The following OPCML variants were observed in gnomAD, a reference collection of about 807,000 sequenced individuals.
OPCML encodes opioid-binding protein/cell adhesion molecule.
In OPCML, 13 loss-of-function variants were observed where a neutral mutation model predicts 37.8. The observed-to-expected ratio is 0.34, with a 90% CI of 0.22 to 0.55. The LOEUF (loss-of-function observed/expected upper bound fraction) is 0.55, where lower values mean the gene tolerates loss of function less well. Ranked by LOEUF, OPCML falls within the 20% of genes least tolerant of loss-of-function variation. The pLI is 0.91. For synonymous variants in OPCML, 176 were observed against 168.8 expected (o/e 1.04, Z -0.33); for missense variants, 341 against 435.6 (o/e 0.78, Z 1.93).
chr11:132,663,991 C>A (rs1014063803), intron 2 of OPCML, among the ~76,000 whole-genome samples: 10 of 152,094 alleles, frequency 6.6e-5, no homozygotes, highest in African/African-American at 2.4e-4. Flanking sequence ...CGCCACCACG[C>A]CCGGCTAATT....
Position 132,838,474 on chromosome 11 carries a change from A to T in OPCML, c.146+104452T>A, listed in dbSNP as rs116455296. Among the ~76,000 whole-genome samples the T allele has an allele frequency of 5.4e-3, 823 of 152,312 alleles. 11 individuals are homozygous for T. The highest frequency in any genetic ancestry group is 0.019 in the African/African-American group (784 of 41,572). On this transcript the variant is annotated intron_variant, in intron 2 of 7. Transcript: ENST00000524381. The stretch of plus-strand genomic sequence containing the variant: ...AATGACACAGATCCTGCCTACAAGT[A>T]ATTCACAATACTACAGAAGAACCGC...
At chr11:132,962,394 T>G (rs1946113377) in intron 1 of OPCML, among the ~76,000 whole-genome samples, 1 of 152,188 alleles carries the variant, frequency 6.6e-6, no homozygotes, top group African/African-American at 2.4e-5. Flanking sequence ...CTCACATTCG[T>G]TTGCAATTAG....
Position 132,509,693 on chromosome 11 carries a change from A to G in OPCML, c.505+19368T>C, listed in dbSNP as rs1454730278. Among the ~76,000 whole-genome samples the G allele has an allele frequency of 4.6e-5, 7 of 152,362 alleles. No individual in the cohort carries two copies. The East Asian group carries it at 1.2e-3, about 25-fold the overall frequency. ...TGTGATGTTGAGCCTGCAGGTGCAC[A>G]GAAGTCAAGAATTAAGGTTTGAGGA... On this transcript the variant is annotated intron_variant, in intron 4 of 7. Coordinates refer to ENST00000524381, the MANE Select transcript of OPCML (RefSeq NM_001012393.5).
intron 1 of OPCML, among the ~76,000 whole-genome samples, chr11:133,230,615 G>A (rs931448683): frequency 1.3e-5 from 2 of 152,168 alleles, no homozygotes; most frequent in Non-Finnish European, 2.9e-5. Flanking sequence ...TTCCTAGAAT[G>A]TTTGGTGGCC....
chr11:132,927,835 C>T (rs910825021), intron 2 of OPCML, among the ~76,000 whole-genome samples: 1 of 151,968 alleles, frequency 6.6e-6, no homozygotes, highest in African/African-American at 2.4e-5. Context: ...GGGATCCAAG[C>T]TGTCCAGGAG....
At chr11:133,231,133 T>C (rs1023765306) in intron 1 of OPCML, among the ~76,000 whole-genome samples, 2 of 152,212 alleles carry the variant, frequency 1.3e-5, no homozygotes, top group African/African-American at 4.8e-5. Flanking sequence ...TTGTCTGTTC[T>C]AACATACGAT....
At chr11:132,704,475 A>C (rs1418665809) in intron 2 of OPCML, among the ~76,000 whole-genome samples, 1 of 152,210 alleles carries the variant, frequency 6.6e-6, no homozygotes, top group Admixed American at 6.5e-5. Context: ...GAGAACTAGA[A>C]GCCAGTGGGC....
intron 4 of OPCML, among the ~76,000 whole-genome samples, chr11:132,504,119 G>C (rs2096251321): frequency 6.6e-6 from 1 of 152,092 alleles, no homozygotes; most frequent in Non-Finnish European, 1.5e-5. Flanking sequence ...TAAGATTGAA[G>C]AATAATCTAG....
chr11:133,161,465 C>T (rs1019656643), intron 1 of OPCML, among the ~76,000 whole-genome samples: 8 of 151,978 alleles, frequency 5.3e-5, no homozygotes, highest in Non-Finnish European at 1.2e-4. Context: ...TGGACAGGAG[C>T]GTGGGATTTA....
intron 4 of OPCML, among the ~76,000 whole-genome samples, chr11:132,458,152 A>C (rs2096088782): frequency 6.6e-6 from 1 of 152,212 alleles, no homozygotes; most frequent in Admixed American, 6.5e-5. Flanking sequence ...ATGAACATGT[A>C]GGGGTGGTGG....
chr11:132,826,953 G>A (rs1171675748), intron 2 of OPCML, among the ~76,000 whole-genome samples: 1 of 152,146 alleles, frequency 6.6e-6, no homozygotes, highest in African/African-American at 2.4e-5. Context: ...AGAAGGGGGA[G>A]ACAGATATAT....
At chr11:133,359,413 G>A (rs1944364925) in intron 1 of OPCML, among the ~76,000 whole-genome samples, 1 of 152,160 alleles carries the variant, frequency 6.6e-6, no homozygotes, top group Non-Finnish European at 1.5e-5. Flanking sequence ...AAGCCCTGCA[G>A]CATATCACTG....
intron 2 of OPCML, among the ~76,000 whole-genome samples, chr11:132,914,899 A>T (rs906786346): frequency 7.9e-5 from 12 of 152,210 alleles, no homozygotes; most frequent in African/African-American, 2.9e-4. Flanking sequence ...AGAGCTCCTG[A>T]TGCTGCTCCC....
At chr11:133,218,164 C>T (rs1233059911) in intron 1 of OPCML, among the ~76,000 whole-genome samples, 1 of 151,704 alleles carries the variant, frequency 6.6e-6, no homozygotes, top group African/African-American at 2.4e-5. Flanking sequence ...TATTTGATTG[C>T]TGGTTGAGAA....
chr11:133,316,210 C>G (rs1233549083), intron 1 of OPCML, among the ~76,000 whole-genome samples: 1 of 152,062 alleles, frequency 6.6e-6, no homozygotes, highest in East Asian at 1.9e-4. Flanking sequence ...AGGAACAAGA[C>G]TGAGGTGGTT....
intron 1 of OPCML, among the ~76,000 whole-genome samples, chr11:133,041,649 A>G (rs1591942457): frequency 6.6e-6 from 1 of 152,200 alleles, no homozygotes. Flanking sequence ...CAAAGGAAAC[A>G]TCCTATACCC....
intron 2 of OPCML, among the ~76,000 whole-genome samples, chr11:132,925,674 G>T (rs10894623): frequency 0.2 from 29,671 of 152,102 alleles, 3,857 homozygotes; most frequent in Non-Finnish European, 0.29. Flanking sequence ...GTTTCTGGGT[G>T]GTTTCTGCCC....
chr11:133,237,773 C>T (rs992174232), intron 1 of OPCML, among the ~76,000 whole-genome samples: 3 of 152,204 alleles, frequency 2.0e-5, no homozygotes, highest in Non-Finnish European at 4.4e-5. Context: ...ACAGATCACA[C>T]AGGCATTAAG....
chr11:133,346,347 G>A (rs1944000623), intron 1 of OPCML, among the ~76,000 whole-genome samples: 1 of 152,140 alleles, frequency 6.6e-6, no homozygotes, highest in Non-Finnish European at 1.5e-5. Flanking sequence ...AATCCCTCCT[G>A]TCAAATAAGC....
Sources: gnomAD v4.1 joint callset for allele counts (sites outside exome capture counted in the v4.1 genomes callset) on GRCh38, gnomAD v4.1.1 for gene constraint, MANE v1.5 for transcripts, NCBI Gene and HGNC (gene_info 2026-07-23, HGNC 2026-07-21) for gene names.